The following TF variants were observed in gnomAD, a reference collection of about 807,000 sequenced individuals.
TF encodes transferrin, also known as serotransferrin.
Under a neutral mutation model 82.4 loss-of-function variants are expected in TF, and 55 were observed. The ratio of observed to expected loss-of-function variants is 0.67; its 90% CI spans 0.54 to 0.84. The LOEUF (loss-of-function observed/expected upper bound fraction) is 0.84. Ranked by LOEUF, TF falls within the 40% of genes least tolerant of loss-of-function variation. The pLI is 0.00. For synonymous variants in TF, 332 were observed against 332.6 expected, an observed-to-expected ratio of 1.00 and a Z score of 0.02; for missense variants, 737 against 868.4, an observed-to-expected ratio of 0.85 and a Z score of 1.90.
chr3:133,730,457 G>A, the TF span, among the ~76,000 whole-genome samples: 3 of 152,170 alleles, frequency 2.0e-5, no homozygotes, highest in Non-Finnish European at 2.9e-5. Flanking sequence ...GCTATGGTGG[G>A]CTTGTGGTTC....
chr3:133,683,010 A>G, the TF span, among the ~76,000 whole-genome samples: 2 of 152,248 alleles, frequency 1.3e-5, no homozygotes, highest in Non-Finnish European at 2.9e-5. Context: ...ATCTCGCGGC[A>G]GAAACTCTAC....
chr3:133,708,252 C>T, the TF span, among the ~76,000 whole-genome samples: 1 of 152,078 alleles, frequency 6.6e-6, no homozygotes, highest in African/African-American at 2.4e-5. Context: ...TCTATCACTA[C>T]TGAATCAAAG....
chr3:133,670,338 A>C, the TF span, among the ~76,000 whole-genome samples: 1 of 152,244 alleles, frequency 6.6e-6, no homozygotes, highest in Non-Finnish European at 1.5e-5. Context: ...TTTTCCAAAG[A>C]CCATCTTTGC....
At chr3:133,752,513 G>A (rs1198157193) in intron 2 of TF, among the ~76,000 whole-genome samples, 1 of 152,146 alleles carries the variant, frequency 6.6e-6, no homozygotes, top group East Asian at 1.9e-4. Context: ...ATGTGTTTAA[G>A]TGTCTAAATA....
rs1934944064 is a variant in TF at position 133,795,515 on chromosome 3, G to A, written c.*16895G>A. On this transcript the variant is annotated 3_prime_UTR_variant, in exon 17 of 17. Coordinates refer to ENST00000402696, the MANE Select transcript of TF (RefSeq NM_001063.4). ...GTAACTGAGAGTGGTGCTAAGTAAG[G>A]CCCTAAGTTTTGGTCACACTCTCAC... The A allele has an allele frequency of 6.6e-6, 1 of 151,654 alleles. No individual in the cohort carries two copies. Among genetic ancestry groups the A allele is most frequent in the African/African-American group, 2.4e-5 (1 of 41,252 alleles). The allele number at this position is 151,654 out of a possible 1,614,324, so 9.4% of individuals were successfully genotyped here. A position where few individuals can be genotyped will look rare whatever the true frequency, so the allele number is the denominator to read the frequency against.
chr3:133,775,376 C>T, intron 14 of TF, 57 bp from the exon 15 acceptor site: 1 of 1,589,618 alleles, frequency 6.3e-7, no homozygotes, highest in Admixed American at 1.7e-5. Context: ...GTTCCATCTC[C>T]CCAGCGGGGC....
chr3:133,795,670 G>C lies in TF; in HGVS notation c.*17050G>C, dbSNP rs1284156933. 6.8e-6 allele frequency: 1 copy of C among 146,964 alleles called. No homozygotes were observed. Among genetic ancestry groups the C allele is most frequent in the Admixed American group, 7.3e-5 (1 of 13,692 alleles). 9.1% of individuals were successfully genotyped at this position (146,964 alleles called of 1,614,324 possible). A position where few individuals can be genotyped will look rare whatever the true frequency, so the allele number is the denominator to read the frequency against. On this transcript the variant is annotated 3_prime_UTR_variant, in exon 17 of 17. Transcript: ENST00000402696. ...GGCTCACTGCAAGCTCCACTTCCCG[G>C]GTTCACGCCATTTTTCTGTCTCAGC...
chr3:133,701,776 C>G, the TF span, among the ~76,000 whole-genome samples: 1 of 152,148 alleles, frequency 6.6e-6, no homozygotes, highest in South Asian at 2.1e-4. Flanking sequence ...AAGTGAGTTC[C>G]CCATTTCTCC....
chr3:133,721,327 C>T, the TF span, among the ~76,000 whole-genome samples: 5 of 151,980 alleles, frequency 3.3e-5, no homozygotes, highest in African/African-American at 1.2e-4. Context: ...TTAAATTTTC[C>T]TTTTTAATTT....
chr3:133,707,222 A>ACACACACG, the TF span, among the ~76,000 whole-genome samples: 1 of 151,596 alleles, frequency 6.6e-6, no homozygotes, highest in South Asian at 2.1e-4. Flanking sequence ...ACACACACAC[A>ACACACACG]CGCATGGAAA....
chr3:133,778,613 GACCTTAAAA>G lies in TF; in HGVS notation c.2091_*2del. On this transcript the variant is annotated stop_lost and 3_prime_UTR_variant, in exon 17 of 17. Transcript: ENST00000402696. Reference sequence around the variant, plus strand: ...CTCCTGGAAGCCTGCACTTTCCGTAGACCTTAAAATCTCAGAGGTAGGGCTGCCACCAAG... The same window carrying G: ...CTCCTGGAAGCCTGCACTTTCCGTAGTCTCAGAGGTAGGGCTGCCACCAAG... 1.9e-6 allele frequency: 3 copies of G among 1,613,514 alleles called. No individual in the cohort carries two copies. Among genetic ancestry groups the G allele is most frequent in the Non-Finnish European group, 2.5e-6 (3 of 1,179,620 alleles).
chr3:133,754,028 G>T (rs1411565664), intron 3 of TF: 1 of 479,636 alleles, frequency 2.1e-6, no homozygotes, highest in Admixed American at 3.3e-5. Flanking sequence ...GGCCTCTGGA[G>T]CCATAGGTAC....
At chr3:133,759,038 G>A in intron 8 of TF, 137 bp from the exon 9 acceptor site, 3 of 1,157,384 alleles carry the variant, frequency 2.6e-6, no homozygotes, top group Non-Finnish European at 3.9e-6. Context: ...TTTCTAAGGT[G>A]ATTAATTCCT....
rs745790067 is a variant in TF, at chr3:133,795,570, AT to A, written c.*16973del. The A allele has an allele frequency of 0.33, 31,796 of 97,670 alleles. 3,067 individuals carry two copies. Among genetic ancestry groups the A allele is most frequent in the African/African-American group, 0.4 (9,389 of 23,492 alleles). The allele number at this position is 97,670 out of a possible 1,614,324, so 6.1% of individuals were successfully genotyped here. A position where few individuals can be genotyped will look rare whatever the true frequency, so the allele number is the denominator to read the frequency against. On this transcript the variant is annotated 3_prime_UTR_variant, in exon 17 of 17. Coordinates refer to ENST00000402696, the MANE Select transcript of TF (RefSeq NM_001063.4). ...GTGAGAACCTGACCAAAAAAGTGGA[AT>A]TTTTTTTTTTTTTTTTTTTTTTGAG...
At chr3:133,683,972 T>A in the TF span, among the ~76,000 whole-genome samples, 1 of 152,126 alleles carries the variant, frequency 6.6e-6, no homozygotes, top group African/African-American at 2.4e-5. Flanking sequence ...ACTCAGCAAA[T>A]GTAAAAGAAC....
the TF span, among the ~76,000 whole-genome samples, chr3:133,695,669 G>A: frequency 6.6e-6 from 1 of 152,188 alleles, no homozygotes; most frequent in African/African-American, 2.4e-5. Flanking sequence ...TTCTATGTAA[G>A]CATTTCTTTT....
At chr3:133,750,446 G>A (rs1001545298) in intron 2 of TF, among the ~76,000 whole-genome samples, 5 of 82,338 alleles carry the variant, frequency 6.1e-5, no homozygotes, top group East Asian at 6.4e-4. Flanking sequence ...CTCAATCCCC[G>A]CGCTGGGGTT....
At chr3:133,751,569 G>A (rs999840002) in intron 2 of TF, among the ~76,000 whole-genome samples, 7 of 152,200 alleles carry the variant, frequency 4.6e-5, no homozygotes, top group African/African-American at 1.7e-4. Flanking sequence ...CCAGGGGCTG[G>A]AGTGGGGGAG....
intron 7 of TF, among the ~76,000 whole-genome samples, chr3:133,757,440 C>T (rs1933866958): frequency 6.6e-6 from 1 of 152,222 alleles, no homozygotes; most frequent in South Asian, 2.1e-4. Context: ...AGCCAGCTTC[C>T]TCTTGCCGAG....
Sources: gnomAD v4.1 joint callset for allele counts (sites outside exome capture counted in the v4.1 genomes callset) on GRCh38, gnomAD v4.1.1 for gene constraint, MANE v1.5 for transcripts, NCBI Gene and HGNC (gene_info 2026-07-23, HGNC 2026-07-21) for gene names.